Variants in CCDC180 observed in about 807,000 individuals in gnomAD.
The protein encoded by CCDC180 is coiled-coil domain containing 180.
CCDC180 carries 154 observed loss-of-function variants against 209.2 expected under a neutral mutation model. That is an observed-to-expected ratio of 0.74 (90% CI 0.65 to 0.84). The LOEUF (loss-of-function observed/expected upper bound fraction) is 0.84, where lower values mean the gene tolerates loss of function less well. Ranked by LOEUF, CCDC180 falls within the 40% of genes least tolerant of loss-of-function variation. The pLI is 0.00. For synonymous variants in CCDC180, 778 were observed against 749.1 expected, an observed-to-expected ratio of 1.04 and a Z score of -0.63; for missense variants, 1,874 against 1,997.3, an observed-to-expected ratio of 0.94 and a Z score of 1.18.
intron 14 of CCDC180, 25 bp downstream of exon 14, chr9:97,325,217 T>C (rs1833493847): frequency 1.9e-6 from 3 of 1,564,250 alleles, no homozygotes; most frequent in Admixed American, 1.9e-5. Context: ...CGGGGCTCCA[T>C]GTTTCACACC....
chr9:97,318,405 C>G (rs1182952770), intron 9 of CCDC180, 58 bp from the exon 10 acceptor site: 2 of 1,592,812 alleles, frequency 1.3e-6, no homozygotes, highest in Non-Finnish European at 1.7e-6. Flanking sequence ...CTTTCCCTCT[C>G]TCACTCCTGC....
Position 97,353,285 on chromosome 9 carries a change from C to T in CCDC180, c.3003-1284C>T, listed in dbSNP as rs867615164. On this transcript the variant is annotated intron_variant, in intron 22 of 36. Transcript: ENST00000529487. ...GTGCTGGGATTACAGGTGTGAGCCA[C>T]TACTCTCTGCCCATTTATAATTATA... 5.3e-5 allele frequency among the ~76,000 whole-genome samples: 8 copies of T among 152,308 alleles called. 1 individual carries two copies. In the Middle Eastern group the frequency reaches 0.01, roughly 194 times the overall value.
intron 13 of CCDC180, among the ~76,000 whole-genome samples, chr9:97,324,289 G>T (rs1833454746): frequency 6.6e-6 from 1 of 152,202 alleles, no homozygotes; most frequent in Non-Finnish European, 1.5e-5. Context: ...GGGCCATCAG[G>T]TCTCTGACGC....
intron 11 of CCDC180, among the ~76,000 whole-genome samples, chr9:97,320,991 T>A (rs1833339212): frequency 6.6e-6 from 1 of 152,204 alleles, no homozygotes; most frequent in Non-Finnish European, 1.5e-5. Flanking sequence ...CTGGGGGCTG[T>A]GGTGCCTGGA....
intron 9 of CCDC180, among the ~76,000 whole-genome samples, chr9:97,317,612 C>T (rs1833219594): frequency 1.3e-5 from 2 of 152,176 alleles, no homozygotes; most frequent in African/African-American, 2.4e-5. Flanking sequence ...GGACACTGGG[C>T]CTGAACAAGT....
intron 34 of CCDC180, 197 bp from the exon 35 acceptor site, chr9:97,374,346 G>C: frequency 1.8e-6 from 1 of 566,512 alleles, no homozygotes; most frequent in Non-Finnish European, 3.1e-6. Flanking sequence ...CTCCATCCAT[G>C]ACCCCCTGCC....
At chr9:97,358,530 G>T (rs527745389) in intron 25 of CCDC180, among the ~76,000 whole-genome samples, 13 of 152,228 alleles carry the variant, frequency 8.5e-5, no homozygotes, top group Admixed American at 6.5e-4. Context: ...CGTTCGCCTG[G>T]CTCTGATCCT....
intron 22 of CCDC180, among the ~76,000 whole-genome samples, chr9:97,353,624 G>A (rs989801006): frequency 1.3e-5 from 2 of 152,162 alleles, no homozygotes; most frequent in Admixed American, 6.5e-5. Flanking sequence ...TTTCTGCTGG[G>A]TAACCAGGGA....
intron 18 of CCDC180, among the ~76,000 whole-genome samples, chr9:97,335,242 A>C (rs928296406): frequency 6.6e-6 from 1 of 151,660 alleles, no homozygotes; most frequent in Non-Finnish European, 1.5e-5. Context: ...GGTTTGTTAC[A>C]TATGTATACA....
chr9:97,323,983 C>A, intron 13 of CCDC180, 80 bp downstream of exon 13: 1 of 1,478,626 alleles, frequency 6.8e-7, no homozygotes. Context: ...AGGGAGAGTC[C>A]AAGAACTCCA....
At chr9:97,370,949 AC>A in intron 33 of CCDC180, 171 bp downstream of exon 33, 5 of 242,428 alleles carry the variant, frequency 2.1e-5, no homozygotes, top group East Asian at 7.2e-5. Context: ...TAACTTGTAT[AC>A]TTTTTTTTTT....
chr9:97,330,786 C>G lies in CCDC180; in HGVS notation c.2274+19C>G, dbSNP rs772804297. On this transcript the variant is annotated intron_variant, in intron 18 of 36. Transcript: ENST00000529487. Reference sequence around the variant, plus strand: ...GGGTGAGGTAAGCCAGCAACTGATTCATTCTTGGGCATAGAGAAAGTTTGC... The same window carrying G: ...GGGTGAGGTAAGCCAGCAACTGATTGATTCTTGGGCATAGAGAAAGTTTGC... 8.2e-6 allele frequency: 13 copies of G among 1,575,844 alleles called. No homozygotes were observed. The highest frequency in any genetic ancestry group is 9.4e-6 in the Non-Finnish European group (11 of 1,168,994).
At position 97,331,762 on chromosome 9, in the gene CCDC180, T is replaced by C. The variant is rs539105705; in HGVS notation, c.2274+995T>C. Among the ~76,000 whole-genome samples, 3 of 152,292 alleles carry C rather than the reference T, an allele frequency of 2.0e-5. No individual in the cohort carries two copies. The East Asian group carries it at 5.8e-4, about 29-fold the overall frequency. ...TTGAATAGGGTTGTTTGGTTTTTGCTTGTTAATTTAAATTCTTTATAGATT... is the reference window on the plus strand; with the variant it reads ...TTGAATAGGGTTGTTTGGTTTTTGCCTGTTAATTTAAATTCTTTATAGATT... On this transcript the variant is annotated intron_variant, in intron 18 of 36. Coordinates refer to ENST00000529487, the MANE Select transcript of CCDC180 (RefSeq NM_020893.6).
intron 13 of CCDC180, among the ~76,000 whole-genome samples, chr9:97,324,588 A>T (rs1161290134): frequency 6.6e-6 from 1 of 152,234 alleles, no homozygotes; most frequent in Admixed American, 6.5e-5. Context: ...ACATTTTTTT[A>T]AAAGGTGGGT....
intron 22 of CCDC180, 85 bp downstream of exon 22, chr9:97,350,640 T>C (rs1343241958): frequency 7.1e-7 from 1 of 1,409,218 alleles, no homozygotes; most frequent in Non-Finnish European, 9.5e-7. Flanking sequence ...ATTTTTAGTT[T>C]TGACAAAATA....
intron 21 of CCDC180, 34 bp from the exon 22 acceptor site, chr9:97,350,375 C>T (rs1400887097): frequency 6.5e-6 from 10 of 1,532,190 alleles, no homozygotes; most frequent in Non-Finnish European, 7.9e-6. Context: ...GGTTGTCCCC[C>T]ATCACTGTCC....
At chr9:97,320,043 C>T in intron 10 of CCDC180, 83 bp from the exon 11 acceptor site, 1 of 1,012,136 alleles carries the variant, frequency 9.9e-7, no homozygotes, top group Non-Finnish European at 1.6e-6. Context: ...TTTTCTGGAG[C>T]TATGTTCCTT....
At position 97,375,550 on chromosome 9, in the gene CCDC180, C is replaced by T; in HGVS notation, c.4803C>T (p.Gly1601=). The part of the protein sequence containing the change: ...SSISTTKTTL[G]HLAAVEARDA... ...TTTCCACCACCAAAACCACCCTGGG[C>T]CACCTGGCGGCCGTGGAAGCCCGAG... The change falls in exon 36 of 37, where the codon GGC becomes GGT. Residue 1601 remains glycine, a synonymous_variant. Transcript: ENST00000529487. 1 of 1,614,218 alleles carries T rather than the reference C, an allele frequency of 6.2e-7. No homozygotes were observed. The highest frequency in any genetic ancestry group is 8.5e-7 in the Non-Finnish European group (1 of 1,180,048).
rs150679119 is a variant in CCDC180, at chr9:97,322,981, C to A, written c.1248+60C>A. Reference sequence around the variant, plus strand: ...TCCTGGGCAGGACCTGAAGTGCCTTCCCTGGCCCCATACCCACTGCCTTCC... The same window carrying A: ...TCCTGGGCAGGACCTGAAGTGCCTTACCTGGCCCCATACCCACTGCCTTCC... On this transcript the variant is annotated intron_variant, in intron 12 of 36. Transcript: ENST00000529487. 461 of 1,399,158 alleles carry A rather than the reference C, an allele frequency of 3.3e-4. 3 individuals are homozygous for A. The East Asian group carries it at 9.4e-3, about 28-fold the overall frequency. The allele number at this position is 1,399,158 out of a possible 1,614,324, so 86.7% of individuals were successfully genotyped here. A position where few individuals can be genotyped will look rare whatever the true frequency, so the allele number is the denominator to read the frequency against.
Sources: allele counts gnomAD v4.1 joint callset (sites outside exome capture counted in the v4.1 genomes callset), GRCh38; gene constraint gnomAD v4.1.1; transcripts MANE v1.5; gene names NCBI Gene and HGNC (gene_info 2026-07-23, HGNC 2026-07-21).